ANKRD22: variants seen among roughly 807,000 people sequenced by gnomAD.
ANKRD22 encodes ankyrin repeat domain 22.
In ANKRD22, 24 loss-of-function variants were observed where a neutral mutation model predicts 25.7. That is an observed-to-expected ratio of 0.93 (90% CI 0.68 to 1.31). The LOEUF (loss-of-function observed/expected upper bound fraction) is 1.31. Among genes scored for constraint, ANKRD22 ranks in the 50% most tolerant of loss-of-function variants. ANKRD22 has a pLI of 0.00. For missense variants in ANKRD22, 214 were observed against 227.1 expected, an observed-to-expected ratio of 0.94 and a Z score of 0.37; for synonymous variants, 84 against 84.3, an observed-to-expected ratio of 1.00 and a Z score of 0.02.
chr10:88,821,874 G>A lies in ANKRD22; in HGVS notation c.*1067C>T, dbSNP rs556526072. Among the ~76,000 whole-genome samples, 56 of 152,332 alleles carry A rather than the reference G, an allele frequency of 3.7e-4. No individual in the cohort carries two copies. The highest frequency in any genetic ancestry group is 1.0e-3 in the African/African-American group (42 of 41,584). On this transcript the variant is annotated 3_prime_UTR_variant, in exon 6 of 6. Coordinates refer to ENST00000371930, the MANE Select transcript of ANKRD22 (RefSeq NM_144590.3). ...CTACTCTGTGTCATTCACAGAAGAA[G>A]TGAGACAGATATTTTGATATTCGCA...
At chr10:88,850,348 C>A (rs1339881165) in intron 1 of ANKRD22, among the ~76,000 whole-genome samples, 1 of 151,742 alleles carries the variant, frequency 6.6e-6, no homozygotes, top group Non-Finnish European at 1.5e-5. Context: ...AATCTTAGGT[C>A]CCACCCAGGT....
chr10:88,825,011 T>TCACACACA lies in ANKRD22; in HGVS notation c.399+1019_399+1026dup, dbSNP rs71022545. Among the ~76,000 whole-genome samples, 607 of 111,488 alleles carry TCACACACA rather than the reference T, an allele frequency of 5.4e-3. 7 individuals carry two copies. The highest frequency in any genetic ancestry group is 0.016 in the African/African-American group (559 of 34,012). 73.1% of individuals were successfully genotyped at this position (111,488 alleles called of 152,430 possible). A position where few individuals can be genotyped will look rare whatever the true frequency, so the allele number is the denominator to read the frequency against. On this transcript the variant is annotated intron_variant, in intron 4 of 5. Coordinates refer to ENST00000371930, the MANE Select transcript of ANKRD22 (RefSeq NM_144590.3). ...CTCTCTCTCTCTCTCTCTCTCTCTC[T>TCACACACA]CACACACACACACACACACACACAC...
chr10:88,835,614 A>C (rs1230806093), intron 1 of ANKRD22, among the ~76,000 whole-genome samples: 2 of 152,252 alleles, frequency 1.3e-5, no homozygotes, highest in Non-Finnish European at 2.9e-5. Flanking sequence ...AAAAATATAC[A>C]GTAAAAATAT....
In ANKRD22 at chr10:88,828,588, G is replaced by A; in HGVS notation, c.292C>T (p.Pro98Ser). 6.2e-7 allele frequency: 1 copy of A among 1,609,854 alleles called. No homozygotes were observed. The highest frequency in any genetic ancestry group is 2.2e-5 in the East Asian group (1 of 44,826). The change falls in exon 3 of 6, where the codon CCT becomes TCT. Residue 98 changes from proline to serine, a missense_variant. By Grantham distance (74) the Pro-to-Ser change is moderately conservative (BLOSUM62 -1). Coordinates refer to ENST00000371930, the MANE Select transcript of ANKRD22 (RefSeq NM_144590.3). ...AGGAAATACCCAATAAGCAGAACAG[G>A]CATTAAGAGGATAATTAGTAGATAA... ...IDYLLIILLM[P>S]VLLIGYFLMV...
At chr10:88,837,105 A>G (rs970397709) in intron 1 of ANKRD22, among the ~76,000 whole-genome samples, 3 of 152,194 alleles carry the variant, frequency 2.0e-5, no homozygotes, top group African/African-American at 7.2e-5. Context: ...GTTTGTAGGC[A>G]AAGTGGTGTC....
At chr10:88,840,448 C>T (rs1285608233) in intron 1 of ANKRD22, among the ~76,000 whole-genome samples, 1 of 152,164 alleles carries the variant, frequency 6.6e-6, no homozygotes, top group African/African-American at 2.4e-5. Context: ...AAAAGCAAAG[C>T]TTCCCCCAAA....
At position 88,820,517 on chromosome 10, in the gene ANKRD22, C is replaced by T. The variant is rs765943609; in HGVS notation, c.*2424G>A. The T allele has an allele frequency of 1.8e-5, 28 of 1,544,680 alleles. 1 individual carries two copies. The South Asian group carries it at 2.3e-4, about 13-fold the overall frequency. On this transcript the variant is annotated 3_prime_UTR_variant, in exon 6 of 6. Coordinates refer to ENST00000371930, the MANE Select transcript of ANKRD22 (RefSeq NM_144590.3). The stretch of plus-strand genomic sequence containing the variant: ...CGTATTGTGAAGCATCTGACACTGA[C>T]GATCTTAGGACAACCTCCTGAGGGA...
chr10:88,832,328 C>T (rs1233468491), intron 1 of ANKRD22, among the ~76,000 whole-genome samples: 2 of 151,984 alleles, frequency 1.3e-5, no homozygotes, highest in Non-Finnish European at 2.9e-5. Context: ...ATGTATAGTG[C>T]TTACAGGTAG....
Position 88,832,007 on chromosome 10 carries a change from T to C in ANKRD22, c.41A>G (p.Tyr14Cys). ...LYSEPICQAA[Y>C]QNDFGQVWRW... ...CCACACTTGTCCAAAGTCATTCTGATAGGCTGCTTGGCAGATGGGCTGGGT... is the reference window on the plus strand; with the variant it reads ...CCACACTTGTCCAAAGTCATTCTGACAGGCTGCTTGGCAGATGGGCTGGGT... Residue 14 changes from tyrosine (Y) to cysteine (C), a missense_variant, in exon 2 of 6, where the codon TAT becomes TGT. Tyr to Cys is a radical substitution (Grantham distance 194). Transcript: ENST00000371930. 3 of 1,611,394 alleles carry C rather than the reference T, an allele frequency of 1.9e-6. No individual in the cohort carries two copies. The highest frequency in any genetic ancestry group is 2.2e-5 in the East Asian group (1 of 44,826).
intron 1 of ANKRD22, among the ~76,000 whole-genome samples, chr10:88,847,544 C>T (rs1047058388): frequency 2.6e-5 from 4 of 152,260 alleles, no homozygotes; most frequent in Admixed American, 2.0e-4. Flanking sequence ...CAGGCATGAG[C>T]CACTGCGCCT....
At chr10:88,825,770 G>C (rs150757503) in intron 4 of ANKRD22, among the ~76,000 whole-genome samples, 1 of 152,016 alleles carries the variant, frequency 6.6e-6, no homozygotes, top group East Asian at 1.9e-4. Flanking sequence ...TTTTGTTATC[G>C]GAGCCTTAGT....
chr10:88,843,370 C>G (rs1844020523), intron 1 of ANKRD22, among the ~76,000 whole-genome samples: 1 of 152,134 alleles, frequency 6.6e-6, no homozygotes. Flanking sequence ...GGTAAAGCCA[C>G]AAAACCATAG....
chr10:88,851,173 C>A (rs1844101049), intron 1 of ANKRD22, among the ~76,000 whole-genome samples: 1 of 152,048 alleles, frequency 6.6e-6, no homozygotes, highest in Admixed American at 6.6e-5. Context: ...AGCTGAAAGG[C>A]ATTACTCTGG....
In ANKRD22 at chr10:88,830,128, T is replaced by C. The variant is rs77342012; in HGVS notation, c.214-1462A>G. On this transcript the variant is annotated intron_variant, in intron 2 of 5. Coordinates refer to ENST00000371930, the MANE Select transcript of ANKRD22 (RefSeq NM_144590.3). ...AACTTTTCATTTTTATAAATAATAT[T>C]GCCTGAACCTGCTCATTCATAAATT... 4.1e-4 allele frequency among the ~76,000 whole-genome samples: 63 copies of C among 152,348 alleles called. No homozygotes were observed. The East Asian group carries it at 0.01, about 25-fold the overall frequency.
At chr10:88,823,096 T>C in intron 5 of ANKRD22, 78 bp from the exon 6 acceptor site, 1 of 1,439,940 alleles carries the variant, frequency 6.9e-7, no homozygotes, top group Non-Finnish European at 9.7e-7. Context: ...ATTGACTCTC[T>C]GTGTTGGCAA....
intron 1 of ANKRD22, among the ~76,000 whole-genome samples, chr10:88,849,115 A>C (rs1844080415): frequency 6.6e-6 from 1 of 152,118 alleles, no homozygotes; most frequent in African/African-American, 2.4e-5. Context: ...ATGATTTTCA[A>C]GAAACGCTTT....
At chr10:88,845,808 G>A (rs72807396) in intron 1 of ANKRD22, among the ~76,000 whole-genome samples, 2,491 of 152,194 alleles carry the variant, frequency 0.016, 28 homozygotes, top group Non-Finnish European at 0.026. Context: ...TGCTACCAGA[G>A]TGGCCTTTTT....
chr10:88,835,484 A>C (rs1007810172), intron 1 of ANKRD22, among the ~76,000 whole-genome samples: 3 of 152,230 alleles, frequency 2.0e-5, no homozygotes, highest in Non-Finnish European at 4.4e-5. Flanking sequence ...CCTATTACTA[A>C]TATGGTATAG....
rs189819520 is a variant in ANKRD22, at chr10:88,833,533, C to T, written c.22-1507G>A. On this transcript the variant is annotated intron_variant, in intron 1 of 5. Transcript: ENST00000371930. ...ACATAAGCACCTGTGGAAACTGGGA[C>T]GTATCAAGGGGAAAGTCAAGTGGGT... Among the ~76,000 whole-genome samples, 212 of 152,088 alleles carry T rather than the reference C, an allele frequency of 1.4e-3. 1 individual carries two copies. The highest frequency in any genetic ancestry group is 4.6e-3 in the African/African-American group (191 of 41,486).
Sources: allele counts gnomAD v4.1 joint callset (sites outside exome capture counted in the v4.1 genomes callset), GRCh38; gene constraint gnomAD v4.1.1; transcripts MANE v1.5; gene names NCBI Gene and HGNC (gene_info 2026-07-23, HGNC 2026-07-21).